The following PTPRK variants were observed in gnomAD, a reference collection of about 807,000 sequenced individuals.
PTPRK encodes receptor-type tyrosine-protein phosphatase kappa.
PTPRK carries 75 observed loss-of-function variants against 178.0 expected under a neutral mutation model. The ratio of observed to expected loss-of-function variants is 0.42; its 90% CI spans 0.35 to 0.51. PTPRK has a LOEUF of 0.51. Among genes scored for constraint, PTPRK ranks in the 20% least tolerant of loss-of-function variants. PTPRK has a pLI of 0.02. For missense variants in PTPRK, 1,441 were observed against 1,797.8 expected (o/e 0.80, Z 3.59); for synonymous variants, 637 against 620.6 (o/e 1.03, Z -0.39).
chr6:128,064,736 G>A (rs373161555), intron 13 of PTPRK, 22 bp downstream of exon 13: 91 of 1,578,656 alleles, frequency 5.8e-5, no homozygotes, highest in Non-Finnish European at 7.1e-5. Context: ...GTTAAAACAA[G>A]CAAAAAAAGC....
intron 1 of PTPRK, among the ~76,000 whole-genome samples, chr6:128,481,260 A>G (rs1852035730): frequency 6.6e-6 from 1 of 152,136 alleles, no homozygotes. Flanking sequence ...GTGGCCAATT[A>G]TTTAGGTTCA....
intron 2 of PTPRK, among the ~76,000 whole-genome samples, chr6:128,345,527 G>T (rs1420278043): frequency 1.3e-5 from 2 of 152,128 alleles, no homozygotes; most frequent in East Asian, 1.9e-4. Context: ...ACGGGGTCAG[G>T]GATCAATAAG....
chr6:128,130,360 T>A (rs1324829735), intron 7 of PTPRK, among the ~76,000 whole-genome samples: 1 of 152,164 alleles, frequency 6.6e-6, no homozygotes, highest in Non-Finnish European at 1.5e-5. Context: ...ACATACTTTG[T>A]TGCCCGGGCA....
Position 128,009,216 on chromosome 6 carries a change from G to A in PTPRK, c.2247C>T (p.Asp749=). 1 of 1,608,688 alleles carries A rather than the reference G, an allele frequency of 6.2e-7. No individual in the cohort carries two copies. The highest frequency in any genetic ancestry group is 1.1e-5 in the South Asian group (1 of 90,904). ...TAATTCCTGCTATTTTCACCACTCT[G>A]TCTGTCTGCTTGGCGGGATCTGGGA... ...EVIPDPAKQT[D]RVVKIAGISA... is the part of the protein sequence containing the mutation. Residue 749 remains aspartate, a synonymous_variant, in exon 14 of 30, where the codon GAC becomes GAT. Transcript: ENST00000368226.
intron 1 of PTPRK, among the ~76,000 whole-genome samples, chr6:128,517,657 A>G (rs1562684889): frequency 6.6e-6 from 1 of 152,218 alleles, no homozygotes; most frequent in East Asian, 1.9e-4. Flanking sequence ...TTTTTGGTTT[A>G]AACAAAGAAA....
At chr6:128,317,442 GA>G (rs879663892) in intron 3 of PTPRK, among the ~76,000 whole-genome samples, 2,813 of 142,668 alleles carry the variant, frequency 0.02, 47 homozygotes, top group Middle Eastern at 0.04. Flanking sequence ...CAAATAGATT[GA>G]AAAAAAAAAA....
chr6:128,359,522 C>A (rs1456983306), intron 2 of PTPRK, among the ~76,000 whole-genome samples: 1 of 151,196 alleles, frequency 6.6e-6, no homozygotes, highest in South Asian at 2.1e-4. Flanking sequence ...GAGGCTGAGG[C>A]GGGTGGATCA....
At chr6:128,256,716 G>A (rs1188583631) in intron 3 of PTPRK, among the ~76,000 whole-genome samples, 6 of 151,936 alleles carry the variant, frequency 3.9e-5, no homozygotes, top group South Asian at 2.1e-4. Flanking sequence ...GATTACAGGC[G>A]TAAGCAACCA....
chr6:128,353,577 T>C (rs1833489637), intron 2 of PTPRK, among the ~76,000 whole-genome samples: 1 of 152,166 alleles, frequency 6.6e-6, no homozygotes, highest in African/African-American at 2.4e-5. Context: ...AATATCTAGA[T>C]TGAAAAAACT....
At chr6:128,057,580 A>C (rs577323173) in intron 13 of PTPRK, among the ~76,000 whole-genome samples, 8 of 152,194 alleles carry the variant, frequency 5.3e-5, no homozygotes, top group Admixed American at 3.9e-4. Flanking sequence ...TGCTGTCCCA[A>C]TTCCATCCTG....
At chr6:128,466,336 T>C (rs1562580636) in intron 1 of PTPRK, among the ~76,000 whole-genome samples, 1 of 152,212 alleles carries the variant, frequency 6.6e-6, no homozygotes, top group African/African-American at 2.4e-5. Flanking sequence ...CCATACTAAG[T>C]GCAAAGCAAA....
At chr6:128,503,360 G>A (rs771103641) in intron 1 of PTPRK, among the ~76,000 whole-genome samples, 39 of 152,172 alleles carry the variant, frequency 2.6e-4, no homozygotes, top group Non-Finnish European at 3.1e-4. Context: ...TTGATGGCCT[G>A]ATCCGAGAAA....
chr6:128,232,078 A>C (rs1466712212), intron 5 of PTPRK: 1 of 152,016 alleles, frequency 6.6e-6, no homozygotes, highest in Non-Finnish European at 1.5e-5. Context: ...CTTTTCCATA[A>C]ATTCTATTTA....
chr6:128,415,262 G>A (rs1348548121), intron 1 of PTPRK, among the ~76,000 whole-genome samples: 1 of 152,062 alleles, frequency 6.6e-6, no homozygotes, highest in East Asian at 1.9e-4. Context: ...AATTCTATGT[G>A]AAAATTGAAA....
intron 23 of PTPRK, 124 bp downstream of exon 23, chr6:127,983,118 A>G: frequency 7.8e-7 from 1 of 1,279,510 alleles, no homozygotes; most frequent in Non-Finnish European, 1.1e-6. Flanking sequence ...TGACTCAGCT[A>G]ATATTGATTA....
intron 7 of PTPRK, among the ~76,000 whole-genome samples, chr6:128,090,543 AAGAACATATGTAG>A (rs1292488289): frequency 2.0e-5 from 3 of 152,168 alleles, no homozygotes; most frequent in African/African-American, 7.2e-5. Context: ...GAAAAATTAC[AAGAACATATGTAG>A]ATATTCACAT....
intron 3 of PTPRK, among the ~76,000 whole-genome samples, chr6:128,258,878 G>C (rs950354112): frequency 6.6e-6 from 1 of 152,288 alleles, no homozygotes; most frequent in East Asian, 1.9e-4. Context: ...CTGAATGAGG[G>C]AGGCAGAGAG....
chr6:128,516,996 G>C (rs1858139251), intron 1 of PTPRK, among the ~76,000 whole-genome samples: 1 of 150,690 alleles, frequency 6.6e-6, no homozygotes, highest in Admixed American at 6.7e-5. Flanking sequence ...ATTATGGTCT[G>C]GCCAATCTAG....
At chr6:128,236,983 T>C (rs1813401593) in intron 5 of PTPRK, among the ~76,000 whole-genome samples, 1 of 152,166 alleles carries the variant, frequency 6.6e-6, no homozygotes, top group Admixed American at 6.5e-5. Flanking sequence ...ACTCAATTTG[T>C]ATATTATTTT....
Sources: allele counts gnomAD v4.1 joint callset (sites outside exome capture counted in the v4.1 genomes callset), GRCh38; gene constraint gnomAD v4.1.1; transcripts MANE v1.5; gene names NCBI Gene and HGNC (gene_info 2026-07-23, HGNC 2026-07-21).